The following KCNAB1 variants were observed in gnomAD, a reference collection of about 807,000 sequenced individuals.
KCNAB1 encodes the protein voltage-gated potassium channel subunit beta-1.
Under a neutral mutation model 64.6 loss-of-function variants are expected in KCNAB1, and 35 were observed. The observed-to-expected ratio is 0.54, with a 90% CI of 0.41 to 0.72. The LOEUF (loss-of-function observed/expected upper bound fraction) is 0.72. Ranked by LOEUF, KCNAB1 falls within the 30% of genes least tolerant of loss-of-function variation. KCNAB1 has a pLI of 0.00. For missense variants in KCNAB1, 401 were observed against 512.9 expected (o/e 0.78, Z 2.11); for synonymous variants, 177 against 183.8 (o/e 0.96, Z 0.30).
intron 1 of KCNAB1, among the ~76,000 whole-genome samples, chr3:156,129,965 C>G (rs1344166665): frequency 4.6e-5 from 7 of 152,224 alleles, no homozygotes; most frequent in African/African-American, 1.7e-4. Flanking sequence ...CTTCCTCTCT[C>G]CATGCACAGT....
intron 3 of KCNAB1, among the ~76,000 whole-genome samples, chr3:156,455,800 T>C (rs186358953): frequency 6.6e-6 from 1 of 152,260 alleles, no homozygotes; most frequent in Non-Finnish European, 1.5e-5. Flanking sequence ...GCCGGAAACC[T>C]AGGCCTCAAT....
chr3:156,489,216 A>T (rs998831128), intron 8 of KCNAB1, among the ~76,000 whole-genome samples: 23 of 152,104 alleles, frequency 1.5e-4, no homozygotes, highest in African/African-American at 4.8e-4. Context: ...CACAAGTAGT[A>T]AAAGCAGAAA....
rs758450379 is a variant in KCNAB1 at position 156,457,486 on chromosome 3, A to T, written c.391A>T (p.Ser131Cys). The T allele has an allele frequency of 3.7e-6, 6 of 1,613,940 alleles. No homozygotes were observed. The South Asian group carries it at 6.6e-5, about 18-fold the overall frequency. Residue 131 changes from serine to cysteine, a missense_variant, in exon 4 of 14, where the codon AGT (serine) becomes TGT (cysteine). By Grantham distance (112) the Ser-to-Cys change is moderately radical. Transcript: ENST00000490337. ...ACGGCTGATGACCATCGCCTATGAA[A>T]GTGGTGTTAACCTCTTTGATACTGC... Reference protein sequence around the residue: ...AERLMTIAYESGVNLFDTAEV... With the variant: ...AERLMTIAYECGVNLFDTAEV...
chr3:156,424,181 G>A (rs936461569), intron 2 of KCNAB1, among the ~76,000 whole-genome samples: 1 of 152,166 alleles, frequency 6.6e-6, no homozygotes, highest in Non-Finnish European at 1.5e-5. Flanking sequence ...ACATTGGAGA[G>A]TGGCAGTGAG....
chr3:156,134,140 A>G (rs927517401), intron 1 of KCNAB1, among the ~76,000 whole-genome samples: 3 of 152,254 alleles, frequency 2.0e-5, no homozygotes, highest in African/African-American at 2.4e-5. Flanking sequence ...ACAACTTGAC[A>G]ACTCTCATTT....
intron 13 of KCNAB1, among the ~76,000 whole-genome samples, chr3:156,534,131 G>A (rs1421021520): frequency 6.6e-6 from 1 of 152,096 alleles, no homozygotes; most frequent in Non-Finnish European, 1.5e-5. Flanking sequence ...AAGACGAGTT[G>A]TGATTGGGCC....
At chr3:156,284,036 G>A (rs1289254152) in intron 1 of KCNAB1, among the ~76,000 whole-genome samples, 1 of 152,102 alleles carries the variant, frequency 6.6e-6, no homozygotes, top group African/African-American at 2.4e-5. Context: ...GAGGAGGAGA[G>A]GTGCTCTGCT....
intron 8 of KCNAB1, among the ~76,000 whole-genome samples, chr3:156,487,274 A>G (rs1036404497): frequency 1.3e-5 from 2 of 152,114 alleles, no homozygotes; most frequent in African/African-American, 4.8e-5. Context: ...GACATCCCTC[A>G]TACTCCAGCA....
At chr3:156,528,900 T>C (rs1456483192) in intron 12 of KCNAB1, among the ~76,000 whole-genome samples, 3 of 152,162 alleles carry the variant, frequency 2.0e-5, no homozygotes, top group Non-Finnish European at 4.4e-5. Flanking sequence ...AGGCACTAGC[T>C]AGGGAAGTGA....
At chr3:156,134,653 C>A (rs944484273) in intron 1 of KCNAB1, among the ~76,000 whole-genome samples, 1 of 152,166 alleles carries the variant, frequency 6.6e-6, no homozygotes, top group African/African-American at 2.4e-5. Flanking sequence ...GAAATTACTT[C>A]AAGTTTATGT....
intron 1 of KCNAB1, among the ~76,000 whole-genome samples, chr3:156,232,699 G>T (rs1468883806): frequency 2.6e-5 from 4 of 152,158 alleles, no homozygotes; most frequent in African/African-American, 9.7e-5. Flanking sequence ...TTCCCCAAGT[G>T]TATAGGAATT....
chr3:156,143,274 A>G (rs111857556), intron 1 of KCNAB1: 1 of 1,614,020 alleles, frequency 6.2e-7, no homozygotes, highest in Non-Finnish European at 8.5e-7. Context: ...GATGGCACCT[A>G]GCAGTGACCA....
At chr3:156,277,360 G>T (rs1048389138) in intron 1 of KCNAB1, among the ~76,000 whole-genome samples, 1 of 152,116 alleles carries the variant, frequency 6.6e-6, no homozygotes, top group African/African-American at 2.4e-5. Flanking sequence ...GAGACATGAA[G>T]TGAGTGTATG....
At chr3:156,493,264 TC>T (rs1342590611) in intron 8 of KCNAB1, among the ~76,000 whole-genome samples, 2 of 152,070 alleles carry the variant, frequency 1.3e-5, no homozygotes, top group Non-Finnish European at 2.9e-5. Context: ...CCTGACTTCT[TC>T]CTCAGTAACC....
At chr3:156,355,684 T>C (rs1725184965) in intron 1 of KCNAB1, among the ~76,000 whole-genome samples, 1 of 152,184 alleles carries the variant, frequency 6.6e-6, no homozygotes, top group South Asian at 2.1e-4. Flanking sequence ...ATATTCCATA[T>C]CATGTACAGG....
chr3:156,302,725 G>C (rs577327357), intron 1 of KCNAB1, among the ~76,000 whole-genome samples: 2 of 152,216 alleles, frequency 1.3e-5, no homozygotes, highest in South Asian at 4.1e-4. Context: ...TAACACCTAC[G>C]AGGAGTATCT....
At chr3:156,481,966 T>G (rs917377056) in intron 8 of KCNAB1, among the ~76,000 whole-genome samples, 2 of 152,146 alleles carry the variant, frequency 1.3e-5, no homozygotes, top group Admixed American at 1.3e-4. Context: ...TCTCTGGATC[T>G]CTTCTCAGAG....
intron 1 of KCNAB1, among the ~76,000 whole-genome samples, chr3:156,356,411 T>G (rs1725245680): frequency 6.6e-6 from 1 of 152,008 alleles, no homozygotes; most frequent in African/African-American, 2.4e-5. Context: ...AGAACTTATT[T>G]AAGGTTTAAA....
At chr3:156,515,418 C>T (rs1438381856) in intron 10 of KCNAB1, among the ~76,000 whole-genome samples, 198 bp downstream of exon 10, 2 of 151,988 alleles carry the variant, frequency 1.3e-5, no homozygotes, top group Non-Finnish European at 2.9e-5. Context: ...CAGGGTATCA[C>T]TGATGAAAGC....
Sources: allele counts gnomAD v4.1 joint callset (sites outside exome capture counted in the v4.1 genomes callset), GRCh38; gene constraint gnomAD v4.1.1; transcripts MANE v1.5; gene names NCBI Gene and HGNC (gene_info 2026-07-23, HGNC 2026-07-21).